PRR16: variants seen among roughly 807,000 people sequenced by gnomAD.
PRR16 encodes proline rich 16.
A neutral mutation model predicts 18.2 loss-of-function variants in PRR16; 6 were observed. The observed-to-expected ratio is 0.33, with a 90% CI of 0.18 to 0.65. PRR16 has a LOEUF of 0.65. PRR16 is among the 30% of genes least tolerant of loss of function. The probability of loss-of-function intolerance (pLI) is 0.74; values close to 1 mark genes in which losing one functional copy is unlikely to be tolerated. For missense variants in PRR16, 412 were observed against 376.6 expected, an observed-to-expected ratio of 1.09 and a Z score of -0.78; for synonymous variants, 151 against 147.8, an observed-to-expected ratio of 1.02 and a Z score of -0.16.
intron 1 of PRR16, among the ~76,000 whole-genome samples, chr5:120,600,823 G>A (rs1257631587): frequency 6.6e-6 from 1 of 151,918 alleles, no homozygotes; most frequent in Non-Finnish European, 1.5e-5. Flanking sequence ...AGAACATGAA[G>A]TATTTGGTTT....
At chr5:120,705,408 C>T in the PRR16 span, among the ~76,000 whole-genome samples, 3 of 151,824 alleles carry the variant, frequency 2.0e-5, no homozygotes, top group Non-Finnish European at 4.4e-5. Flanking sequence ...TCAGTATTTT[C>T]CACATGTGCT....
At chr5:120,551,375 T>G (rs946322838) in intron 1 of PRR16, among the ~76,000 whole-genome samples, 2 of 152,014 alleles carry the variant, frequency 1.3e-5, no homozygotes, top group Admixed American at 6.6e-5. Context: ...CAGATGAGCT[T>G]AAGTTAAAAT....
the PRR16 span, among the ~76,000 whole-genome samples, chr5:120,792,327 G>C: frequency 6.6e-6 from 1 of 152,232 alleles, no homozygotes; most frequent in East Asian, 1.9e-4. Flanking sequence ...GGCCAGACTA[G>C]AAAAAGTGTC....
intron 1 of PRR16, among the ~76,000 whole-genome samples, chr5:120,610,862 G>T (rs1262875667): frequency 6.6e-6 from 1 of 152,180 alleles, no homozygotes; most frequent in African/African-American, 2.4e-5. Context: ...TTGGAACTAG[G>T]TAACAGGCAG....
chr5:120,702,237 AGAAATAAGGGGTCGGGGCACG>A, the PRR16 span, among the ~76,000 whole-genome samples: 45,070 of 146,014 alleles, frequency 0.31, 7,591 homozygotes, highest in Middle Eastern at 0.43. Flanking sequence ...GTCGGGACAC[AGAAATAAGGGGTCGGGGCACG>A]GAAATAAGGG....
intron 1 of PRR16, among the ~76,000 whole-genome samples, chr5:120,650,054 C>A (rs1188462909): frequency 6.6e-6 from 1 of 151,664 alleles, no homozygotes; most frequent in Non-Finnish European, 1.5e-5. Flanking sequence ...CCTCTCTCTA[C>A]AAAAAATGCA....
At chr5:120,618,346 A>G (rs1329120294) in intron 1 of PRR16, 1 of 472,568 alleles carries the variant, frequency 2.1e-6, no homozygotes, top group Non-Finnish European at 2.8e-6. Context: ...GTGCCATTAA[A>G]TAAAATTTCT....
chr5:120,675,576 TGATTA>T (rs979725269), intron 1 of PRR16, among the ~76,000 whole-genome samples: 2 of 152,226 alleles, frequency 1.3e-5, no homozygotes, highest in African/African-American at 4.8e-5. Flanking sequence ...ATAAAATATC[TGATTA>T]GATTTCACTT....
At chr5:120,763,876 C>T in the PRR16 span, among the ~76,000 whole-genome samples, 1 of 151,910 alleles carries the variant, frequency 6.6e-6, no homozygotes, top group African/African-American at 2.4e-5. Flanking sequence ...TATTAATATA[C>T]AGATATGCTA....
At chr5:120,473,178 C>T (rs1011206829) in intron 1 of PRR16, among the ~76,000 whole-genome samples, 1 of 152,090 alleles carries the variant, frequency 6.6e-6, no homozygotes, top group Non-Finnish European at 1.5e-5. Flanking sequence ...TATGAATTGA[C>T]ATAACTTTGT....
At chr5:120,602,642 G>A (rs1448280058) in intron 1 of PRR16, among the ~76,000 whole-genome samples, 1 of 151,822 alleles carries the variant, frequency 6.6e-6, no homozygotes, top group Non-Finnish European at 1.5e-5. Flanking sequence ...GTCTTGTGCT[G>A]GTTTTCAAGA....
intron 1 of PRR16, among the ~76,000 whole-genome samples, chr5:120,518,718 GA>G (rs1201705602): frequency 2.6e-5 from 4 of 152,024 alleles, no homozygotes; most frequent in African/African-American, 9.7e-5. Context: ...ACTACATTTT[GA>G]ACAACGGGTC....
At chr5:120,759,980 T>A in the PRR16 span, among the ~76,000 whole-genome samples, 56 of 151,928 alleles carry the variant, frequency 3.7e-4, 1 homozygote, top group Admixed American at 3.4e-3. Flanking sequence ...CTGAAGGGGG[T>A]GTGTGTAAAA....
At chr5:120,563,655 C>G (rs1752645910) in intron 1 of PRR16, among the ~76,000 whole-genome samples, 1 of 152,164 alleles carries the variant, frequency 6.6e-6, no homozygotes, top group Admixed American at 6.5e-5. Flanking sequence ...CTGCCCTGGA[C>G]AGGTCCAGAA....
intron 1 of PRR16, among the ~76,000 whole-genome samples, chr5:120,484,250 G>T (rs967619723): frequency 1.3e-5 from 2 of 149,534 alleles, no homozygotes; most frequent in Non-Finnish European, 3.0e-5. Flanking sequence ...AATGATTACC[G>T]ACTCTAGTAC....
the PRR16 span, among the ~76,000 whole-genome samples, chr5:120,712,946 A>G: frequency 8.5e-5 from 13 of 152,308 alleles, no homozygotes; most frequent in East Asian, 2.1e-3. Flanking sequence ...TAGAACGGCC[A>G]TATGACCTAG....
the PRR16 span, among the ~76,000 whole-genome samples, chr5:120,763,943 C>T: frequency 6.6e-6 from 1 of 152,044 alleles, no homozygotes. Context: ...CTTATCAGGT[C>T]TCAGAGATTT....
chr5:120,484,647 A>G (rs894833059), intron 1 of PRR16, among the ~76,000 whole-genome samples: 2 of 146,766 alleles, frequency 1.4e-5, no homozygotes, highest in African/African-American at 4.9e-5. Context: ...TAATATATAT[A>G]CACATTTTTA....
chr5:120,535,906 C>T (rs1751702595), intron 1 of PRR16, among the ~76,000 whole-genome samples: 1 of 152,126 alleles, frequency 6.6e-6, no homozygotes, highest in South Asian at 2.1e-4. Context: ...AGTTCAAGAC[C>T]AGCCTGGGCA....
Sources: allele counts gnomAD v4.1 joint callset (sites outside exome capture counted in the v4.1 genomes callset), GRCh38; gene constraint gnomAD v4.1.1; transcripts MANE v1.5; gene names NCBI Gene and HGNC (gene_info 2026-07-23, HGNC 2026-07-21).